The following AQP11 variants were observed in gnomAD, a reference collection of about 807,000 sequenced individuals.
AQP11 encodes the protein aquaporin-11.
A neutral mutation model predicts 21.1 loss-of-function variants in AQP11; 20 were observed. The observed-to-expected ratio is 0.95, with a 90% CI of 0.67 to 1.38. The LOEUF (loss-of-function observed/expected upper bound fraction) is 1.38, where lower values mean the gene tolerates loss of function less well. Among genes scored for constraint, AQP11 ranks in the 40% most tolerant of loss-of-function variants. The pLI, the probability that AQP11 is intolerant of heterozygous loss-of-function variation, is 0.00. For missense variants in AQP11, 339 were observed against 340.4 expected (o/e 1.00, Z 0.03); for synonymous variants, 167 against 150.1 (o/e 1.11, Z -0.82).
At position 77,609,412 on chromosome 11, in the gene AQP11, TCCAGC is replaced by T. The variant is rs1342497458; in HGVS notation, c.*36_*40del. 2 of 1,511,808 alleles carry T rather than the reference TCCAGC, an allele frequency of 1.3e-6. No homozygotes were observed. Among genetic ancestry groups the T allele is most frequent in the African/African-American group, 2.8e-5 (2 of 72,038 alleles). 93.6% of individuals were successfully genotyped at this position (1,511,808 alleles called of 1,614,324 possible). ...AGACTCAGACTAACATACAGGACAGTCCAGCTGGATGTGATAAAGATTTTATCACC... is the reference window on the plus strand; with the variant it reads ...AGACTCAGACTAACATACAGGACAGTTGGATGTGATAAAGATTTTATCACC... On this transcript the variant is annotated 3_prime_UTR_variant, in exon 3 of 3. Transcript: ENST00000313578.
chr11:77,592,082 A>C (rs1019886804), intron 1 of AQP11, among the ~76,000 whole-genome samples: 2 of 152,134 alleles, frequency 1.3e-5, no homozygotes, highest in Non-Finnish European at 2.9e-5. Context: ...CCTGGGCAAC[A>C]TAAGAGAAAT....
intron 2 of AQP11, among the ~76,000 whole-genome samples, chr11:77,604,198 C>T (rs545019750): frequency 2.0e-5 from 3 of 152,078 alleles, no homozygotes; most frequent in Non-Finnish European, 4.4e-5. Context: ...GCTCACTGTG[C>T]TTGAACTCCT....
chr11:77,598,561 A>G (rs1381443622), intron 1 of AQP11, among the ~76,000 whole-genome samples: 1 of 151,964 alleles, frequency 6.6e-6, no homozygotes, highest in African/African-American at 2.4e-5. Context: ...TATGTTCTCT[A>G]TGTAAAAAAT....
chr11:77,590,333 C>A lies in AQP11; in HGVS notation c.341C>A (p.Pro114His). The stretch of plus-strand genomic sequence containing the variant: ...CAGATGATGCTGGGGGGCATGTCCC[C>A]CGAGACGGGTGCGGTGAGGCTATTG... ...MMQMMLGGMSPETGAVRLLAQ... is the reference protein window; with the variant it reads ...MMQMMLGGMSHETGAVRLLAQ... The change falls in exon 1 of 3, where the codon CCC becomes CAC. Residue 114 changes from proline to histidine, a missense_variant. Pro to His is a moderately conservative substitution (Grantham distance 77). Coordinates refer to ENST00000313578, the MANE Select transcript of AQP11 (RefSeq NM_173039.3). The A allele has an allele frequency of 6.2e-7, 1 of 1,610,848 alleles. No individual in the cohort carries two copies. Among genetic ancestry groups the A allele is most frequent in the Non-Finnish European group, 8.5e-7 (1 of 1,177,540 alleles).
chr11:77,601,556 C>CAGG (rs1958815801), intron 1 of AQP11, among the ~76,000 whole-genome samples: 1 of 152,120 alleles, frequency 6.6e-6, no homozygotes, highest in East Asian at 1.9e-4. Context: ...TGCTATGTTG[C>CAGG]CTGAGCTCAT....
At chr11:77,591,036 T>C in intron 1 of AQP11, 1 of 985,394 alleles carries the variant, frequency 1.0e-6, no homozygotes, top group Non-Finnish European at 1.2e-6. Context: ...AGGCACATGA[T>C]TGGTTAGTAT....
At chr11:77,597,153 T>C (rs1275450580) in intron 1 of AQP11, among the ~76,000 whole-genome samples, 1 of 152,222 alleles carries the variant, frequency 6.6e-6, no homozygotes, top group Non-Finnish European at 1.5e-5. Flanking sequence ...ATGTAAGTTG[T>C]AACTTTTATA....
Position 77,590,064 on chromosome 11 carries a change from G to A in AQP11, c.72G>A (p.Val24=), listed in dbSNP as rs1367016741. Residue 24 remains valine (V), a synonymous_variant, in exon 1 of 3, where the codon GTG becomes GTA. Transcript: ENST00000313578. ...CCTCGCTGGGACTGATGCTGTCGGT[G>A]GTGCTGCTCATGGGGCTGGCCCGCG... ...TCTSLGLMLS[V]VLLMGLARVV... 7.5e-6 allele frequency: 12 copies of A among 1,602,536 alleles called. No homozygotes were observed. Among genetic ancestry groups the A allele is most frequent in the Non-Finnish European group, 1.0e-5 (12 of 1,176,846 alleles).
Position 77,590,593 on chromosome 11 carries a change from A to G in AQP11, c.601A>G (p.Thr201Ala). The G allele has an allele frequency of 6.2e-7, 1 of 1,613,500 alleles. No homozygotes were observed. The change falls in exon 1 of 3, where the codon ACC (threonine) becomes GCC (alanine). Residue 201 changes from threonine (T) to alanine (A), a missense_variant. Coordinates refer to ENST00000313578, the MANE Select transcript of AQP11 (RefSeq NM_173039.3). ...LRIHLLAALI[T>A]FLVYAGGSLT... The stretch of plus-strand genomic sequence containing the variant: ...TATCCACCTGCTGGCTGCACTCATC[A>G]CCTTTTTGGTCTATGCAGGTTTGTC...
chr11:77,593,360 G>C (rs181184771), intron 1 of AQP11, among the ~76,000 whole-genome samples: 8 of 152,286 alleles, frequency 5.3e-5, no homozygotes, highest in Non-Finnish European at 1.0e-4. Flanking sequence ...CATCGGCCGG[G>C]CGCGGTGGCT....
chr11:77,591,667 T>G (rs2135742795), intron 1 of AQP11, among the ~76,000 whole-genome samples: 1 of 150,708 alleles, frequency 6.6e-6, no homozygotes, highest in South Asian at 2.1e-4. Context: ...GTCAGGAGTT[T>G]GAGACCAGCC....
chr11:77,601,510 C>G (rs1295556645), intron 1 of AQP11, among the ~76,000 whole-genome samples: 1 of 151,962 alleles, frequency 6.6e-6, no homozygotes, highest in African/African-American at 2.4e-5. Context: ...GCACCACAAC[C>G]AGCTAATTTT....
Position 77,590,694 on chromosome 11 carries a change from A to G in AQP11, c.619+83A>G. 2.0e-6 allele frequency: 3 copies of G among 1,520,692 alleles called. No individual in the cohort carries two copies. The South Asian group carries it at 4.0e-5, about 20-fold the overall frequency. The allele number at this position is 1,520,692 out of a possible 1,614,324, so 94.2% of individuals were successfully genotyped here. On this transcript the variant is annotated intron_variant, in intron 1 of 2. Transcript: ENST00000313578. ...AAGTTCTTTACTAAAATACATTTGA[A>G]ACCGTCTATCCCGCTATGATGTAAA...
chr11:77,599,862 AGG>A (rs1342389441), intron 1 of AQP11, among the ~76,000 whole-genome samples: 4 of 152,180 alleles, frequency 2.6e-5, no homozygotes, highest in African/African-American at 9.7e-5. Flanking sequence ...CTGGGATTAC[AGG>A]AATGAGCCAT....
chr11:77,605,148 G>A (rs1216525591), intron 2 of AQP11, among the ~76,000 whole-genome samples: 2 of 152,146 alleles, frequency 1.3e-5, no homozygotes, highest in Non-Finnish European at 2.9e-5. Flanking sequence ...AGCTGAGATC[G>A]CACCACTGCA....
chr11:77,607,656 G>A (rs1043379488), intron 2 of AQP11, among the ~76,000 whole-genome samples: 1 of 151,780 alleles, frequency 6.6e-6, no homozygotes, highest in African/African-American at 2.4e-5. Flanking sequence ...TCAGCTACTC[G>A]GCAGGCTGAG....
At chr11:77,597,986 A>C (rs890609828) in intron 1 of AQP11, among the ~76,000 whole-genome samples, 1 of 151,944 alleles carries the variant, frequency 6.6e-6, no homozygotes, top group South Asian at 2.1e-4. Context: ...TGATCCACCC[A>C]CCTTGGCCTC....
chr11:77,609,210 T>C, intron 2 of AQP11, 88 bp from the exon 3 acceptor site: 2 of 919,208 alleles, frequency 2.2e-6, no homozygotes, highest in Non-Finnish European at 3.3e-6. Flanking sequence ...CATCTAGGTA[T>C]ATAATTGTAA....
In AQP11 at chr11:77,603,193, CTG is replaced by C. The variant is rs376658082; in HGVS notation, c.620-361_620-360del. ...ATCTTGGGTCATTGTATCTATTTAA[CTG>C]TATTTTCATTTTACTTTTATTATTA... On this transcript the variant is annotated intron_variant, in intron 1 of 2. Coordinates refer to ENST00000313578, the MANE Select transcript of AQP11 (RefSeq NM_173039.3). Among the ~76,000 whole-genome samples, 57 of 152,278 alleles carry C rather than the reference CTG, an allele frequency of 3.7e-4. 2 individuals carry two copies. In the East Asian group the frequency reaches 8.9e-3, roughly 24 times the overall value.
Sources: gnomAD v4.1 joint callset for allele counts (sites outside exome capture counted in the v4.1 genomes callset) on GRCh38, gnomAD v4.1.1 for gene constraint, MANE v1.5 for transcripts, NCBI Gene and HGNC (gene_info 2026-07-23, HGNC 2026-07-21) for gene names.